Variants in PTPRD observed in about 807,000 individuals in gnomAD.
The protein encoded by PTPRD is protein tyrosine phosphatase receptor type D.
Under a neutral mutation model 214.5 loss-of-function variants are expected in PTPRD, and 34 were observed. The observed-to-expected ratio is 0.16, with a 90% confidence interval of 0.12 to 0.21. The LOEUF (loss-of-function observed/expected upper bound fraction) is 0.21. Among genes scored for constraint, PTPRD ranks in the 10% least tolerant of loss-of-function variants. The probability of loss-of-function intolerance (pLI) is 1.00; values close to 1 mark genes in which losing one functional copy is unlikely to be tolerated. For missense variants in PTPRD, 2,545 were observed against 2,398.7 expected (o/e 1.06, Z -1.27); for synonymous variants, 1,128 against 845.7 (o/e 1.33, Z -5.79).
chr9:9,953,818 G>C (rs560038338), intron 4 of PTPRD, among the ~76,000 whole-genome samples: 2 of 152,086 alleles, frequency 1.3e-5, no homozygotes, highest in Non-Finnish European at 2.9e-5. Context: ...TCCCGCCATA[G>C]GGTTTTATCG....
At chr9:10,346,011 C>T (rs568845461) in intron 2 of PTPRD, among the ~76,000 whole-genome samples, 6 of 152,186 alleles carry the variant, frequency 3.9e-5, no homozygotes, top group African/African-American at 1.2e-4. Flanking sequence ...CTCTAATAAC[C>T]AATATCAATC....
Position 8,331,658 on chromosome 9 carries a change from A to C in PTPRD, c.5458T>G (p.Phe1820Val), listed in dbSNP as rs749531044. ...EQGVPKSGEG[F>V]IDFIGQVHKT... is the part of the protein sequence containing the mutation. ...TGGACTTGGCCGATGAAGTCAATAAATCCTTCTCCGGACTTTGGCACTCCT... is the reference window on the plus strand; with the variant it reads ...TGGACTTGGCCGATGAAGTCAATAACTCCTTCTCCGGACTTTGGCACTCCT... The change falls in exon 44 of 46, where the codon TTT (phenylalanine) becomes GTT (valine). Residue 1820 changes from phenylalanine (F) to valine (V), a missense_variant. By Grantham distance (50) the Phe-to-Val change is conservative. Coordinates refer to ENST00000381196, the MANE Select transcript of PTPRD (RefSeq NM_002839.4). The C allele has an allele frequency of 3.7e-6, 6 of 1,613,722 alleles. No individual in the cohort carries two copies. The highest frequency in any genetic ancestry group is 5.1e-6 in the Non-Finnish European group (6 of 1,179,940).
chr9:10,463,760 G>T (rs191288884), intron 2 of PTPRD, among the ~76,000 whole-genome samples: 7 of 151,988 alleles, frequency 4.6e-5, no homozygotes, highest in Middle Eastern at 6.8e-3. Flanking sequence ...CAAAAAAGAG[G>T]TGTGATCCAA....
At chr9:10,384,355 A>T (rs1383184855) in intron 2 of PTPRD, among the ~76,000 whole-genome samples, 1 of 151,758 alleles carries the variant, frequency 6.6e-6, no homozygotes, top group Admixed American at 6.6e-5. Flanking sequence ...TGTGGTAGGT[A>T]TTAGTCTCTA....
chr9:10,295,172 C>A (rs2095639862), intron 3 of PTPRD, among the ~76,000 whole-genome samples: 1 of 151,972 alleles, frequency 6.6e-6, no homozygotes, highest in Admixed American at 6.6e-5. Context: ...ACACACACAC[C>A]CTTTAATGTT....
Position 9,632,002 on chromosome 9 carries a change from T to G in PTPRD, c.-286-57221A>C, listed in dbSNP as rs555372355. Among the ~76,000 whole-genome samples, 86 of 152,298 alleles carry G rather than the reference T, an allele frequency of 5.6e-4. 1 individual carries two copies. The highest frequency in any genetic ancestry group is 2.0e-3 in the African/African-American group (82 of 41,570). On this transcript the variant is annotated intron_variant, in intron 7 of 45. Coordinates refer to ENST00000381196, the MANE Select transcript of PTPRD (RefSeq NM_002839.4). Reference sequence around the variant, plus strand: ...AAAAAGGGTTTAACAATAAAGTGAATTTCTCAAATCATGGCAAATCATTCC... The same window carrying G: ...AAAAAGGGTTTAACAATAAAGTGAAGTTCTCAAATCATGGCAAATCATTCC...
intron 8 of PTPRD, among the ~76,000 whole-genome samples, chr9:9,416,536 G>C (rs1228451920): frequency 6.6e-6 from 1 of 152,118 alleles, no homozygotes; most frequent in East Asian, 1.9e-4. Context: ...ATTCCTTTGT[G>C]TGGCTTTTAA....
At chr9:10,241,682 A>T (rs1468449728) in intron 3 of PTPRD, among the ~76,000 whole-genome samples, 1 of 151,954 alleles carries the variant, frequency 6.6e-6, no homozygotes, top group Non-Finnish European at 1.5e-5. Context: ...TTTCCTGAAA[A>T]CCAGGGTTGG....
chr9:8,800,361 G>A (rs1055205253), intron 11 of PTPRD, among the ~76,000 whole-genome samples: 3 of 152,104 alleles, frequency 2.0e-5, no homozygotes, highest in Admixed American at 6.6e-5. Flanking sequence ...GAACTACTGG[G>A]CTAAATTCCC....
At chr9:8,797,701 G>A (rs1408977188) in intron 11 of PTPRD, among the ~76,000 whole-genome samples, 1 of 152,130 alleles carries the variant, frequency 6.6e-6, no homozygotes, top group Non-Finnish European at 1.5e-5. Flanking sequence ...AGCAAAAGCT[G>A]AACCATTTAT....
At chr9:9,318,595 G>A (rs1030964898) in intron 9 of PTPRD, among the ~76,000 whole-genome samples, 6 of 152,142 alleles carry the variant, frequency 3.9e-5, no homozygotes, top group East Asian at 1.9e-4. Flanking sequence ...TTCTGCAAAC[G>A]ATTTCAAAGA....
At chr9:8,609,109 A>G (rs1354605970) in intron 14 of PTPRD, among the ~76,000 whole-genome samples, 1 of 152,236 alleles carries the variant, frequency 6.6e-6, no homozygotes, top group East Asian at 1.9e-4. Context: ...GTGAATGAGA[A>G]TTTTACGTTT....
chr9:8,597,332 T>A (rs1162951014), intron 14 of PTPRD, among the ~76,000 whole-genome samples: 2 of 152,130 alleles, frequency 1.3e-5, no homozygotes, highest in African/African-American at 4.8e-5. Context: ...CTATCCCTGT[T>A]TTTATAAAGT....
intron 4 of PTPRD, among the ~76,000 whole-genome samples, chr9:10,025,743 G>A (rs2096911234): frequency 6.6e-6 from 1 of 152,154 alleles, no homozygotes; most frequent in Admixed American, 6.5e-5. Context: ...CTTGGAGAGA[G>A]CTGTGCCGCC....
chr9:8,909,851 G>C (rs1243742291), intron 11 of PTPRD, among the ~76,000 whole-genome samples: 2 of 128,456 alleles, frequency 1.6e-5, no homozygotes, highest in Non-Finnish European at 3.2e-5. Flanking sequence ...GAGATGGAGA[G>C]AGAGATATTA....
At chr9:10,364,920 A>G (rs2097485387) in intron 2 of PTPRD, among the ~76,000 whole-genome samples, 1 of 152,226 alleles carries the variant, frequency 6.6e-6, no homozygotes, top group Non-Finnish European at 1.5e-5. Context: ...GAAAGTAAAC[A>G]TATCAATCTC....
At chr9:10,422,535 G>C (rs555972465) in intron 2 of PTPRD, among the ~76,000 whole-genome samples, 1 of 151,962 alleles carries the variant, frequency 6.6e-6, no homozygotes, top group Non-Finnish European at 1.5e-5. Flanking sequence ...TACAGAATGG[G>C]AGAAAATTTT....
At chr9:10,163,234 C>A (rs943218823) in intron 3 of PTPRD, among the ~76,000 whole-genome samples, 1 of 151,104 alleles carries the variant, frequency 6.6e-6, no homozygotes, top group South Asian at 2.1e-4. Context: ...CTCATGGAGG[C>A]CAGTTTTTAC....
At chr9:9,481,080 T>C (rs751024668) in intron 8 of PTPRD, among the ~76,000 whole-genome samples, 4 of 152,166 alleles carry the variant, frequency 2.6e-5, no homozygotes, top group Non-Finnish European at 4.4e-5. Context: ...GCACTCAGTA[T>C]ACACTTCCAT....
Sources: allele counts gnomAD v4.1 joint callset (sites outside exome capture counted in the v4.1 genomes callset), GRCh38; gene constraint gnomAD v4.1.1; transcripts MANE v1.5; gene names NCBI Gene and HGNC (gene_info 2026-07-23, HGNC 2026-07-21).